The following LZTS2 variants were observed in gnomAD, a reference collection of about 807,000 sequenced individuals.
LZTS2 encodes leucine zipper tumor suppressor 2, also known as leucine zipper putative tumor suppressor 2.
A neutral mutation model predicts 60.6 loss-of-function variants in LZTS2; 32 were observed. The observed-to-expected ratio is 0.53, with a 90% CI of 0.40 to 0.71. The LOEUF (loss-of-function observed/expected upper bound fraction) is 0.71. Among genes scored for constraint, LZTS2 ranks in the 30% least tolerant of loss-of-function variants. The pLI, the probability that LZTS2 is intolerant of heterozygous loss-of-function variation, is 0.00. For synonymous variants in LZTS2, 360 were observed against 393.1 expected, an observed-to-expected ratio of 0.92 and a Z score of 1.00; for missense variants, 792 against 901.9, an observed-to-expected ratio of 0.88 and a Z score of 1.56.
At chr10:101,002,320 C>G (rs1170338252) in exon 1 of LZTS2, 3 of 468,176 alleles carry the variant, frequency 6.4e-6, no homozygotes, top group Non-Finnish European at 1.1e-5. Flanking sequence ...TTCAGACCAG[C>G]ATTGGGCAGT....
chr10:101,002,523 C>T (rs775695224), exon 1 of LZTS2: 1 of 1,509,212 alleles, frequency 6.6e-7, no homozygotes, highest in Non-Finnish European at 8.9e-7. Flanking sequence ...CTGGCCAGGC[C>T]TGAGCCTCTG....
chr10:101,002,350 G>GA, exon 1 of LZTS2: 1 of 507,922 alleles, frequency 2.0e-6, no homozygotes, highest in Non-Finnish European at 3.3e-6. Context: ...GGCCCAGGGG[G>GA]AATTGAGATT....
chr10:101,002,841 C>G (rs117876479), exon 1 of LZTS2: 2 of 1,613,898 alleles, frequency 1.2e-6, no homozygotes, highest in South Asian at 2.2e-5. Context: ...AGTCACCCCC[C>G]AGCCCAAGCA....
At position 101,007,426 on chromosome 10, in the gene LZTS2, G is replaced by A. The variant is rs573383485; in HGVS notation, c.*258G>A. On this transcript the variant is annotated 3_prime_UTR_variant, in exon 4 of 4. Coordinates refer to ENST00000370220, the Ensembl canonical transcript of LZTS2. Reference sequence around the variant, plus strand: ...GTTACTACCCACTTCATTCCCCACCGCTGCCAGTGCCACTGCCAACCCTGT... The same window carrying A: ...GTTACTACCCACTTCATTCCCCACCACTGCCAGTGCCACTGCCAACCCTGT... 3.8e-5 allele frequency: 55 copies of A among 1,443,984 alleles called. No individual in the cohort carries two copies. The East Asian group carries it at 1.1e-3, about 30-fold the overall frequency. 89.4% of individuals were successfully genotyped at this position (1,443,984 alleles called of 1,614,324 possible).
chr10:100,999,190 G>A (rs1851973812), upstream of LZTS2, among the ~76,000 whole-genome samples: 1 of 152,222 alleles, frequency 6.6e-6, no homozygotes, highest in Non-Finnish European at 1.5e-5. Context: ...GGGTTCGCGG[G>A]GAAAAGGGCA....
Position 101,003,518 on chromosome 10 carries a change from G to C in LZTS2, c.420G>C (p.Lys140Asn), listed in dbSNP as rs151215972. ...GCACCTCATTTCAGAACATGGAGAA[G>C]ATCCTGATCCGCCCAACAGCCTTCA... Residue 140 changes from lysine (K) to asparagine (N), a missense_variant, in exon 2 of 4, where the codon AAG becomes AAC. Coordinates refer to ENST00000370220, the Ensembl canonical transcript of LZTS2. 103 of 1,516,608 alleles carry C rather than the reference G, an allele frequency of 6.8e-5. No individual in the cohort carries two copies. The highest frequency in any genetic ancestry group is 7.7e-5 in the Non-Finnish European group (87 of 1,132,572). 93.9% of individuals were successfully genotyped at this position (1,516,608 alleles called of 1,614,324 possible).
At chr10:101,004,022 G>A (rs988260955) in exon 2 of LZTS2, 11 of 1,613,100 alleles carry the variant, frequency 6.8e-6, no homozygotes, top group Non-Finnish European at 8.5e-6. Context: ...GCTCCTGTGG[G>A]GAGCGCTCAC....
At chr10:101,007,300 C>A (rs1032292158) in exon 4 of LZTS2, 1 of 1,422,384 alleles carries the variant, frequency 7.0e-7, no homozygotes, top group Non-Finnish European at 9.2e-7. Flanking sequence ...AGGATCCAGG[C>A]CTCTGGGCTT....
upstream of LZTS2, chr10:100,999,060 G>C (rs566294004): frequency 6.6e-6 from 1 of 152,394 alleles, no homozygotes; most frequent in Admixed American, 6.5e-5. Flanking sequence ...GGCTTGCACC[G>C]GTTCGCCCCA....
chr10:101,002,707 C>G (rs769434446), exon 1 of LZTS2: 1 of 1,611,112 alleles, frequency 6.2e-7, no homozygotes, highest in Admixed American at 1.7e-5. Flanking sequence ...CACCTTCTTC[C>G]GCCAGCAGGA....
At position 101,003,575 on chromosome 10, in the gene LZTS2, G is replaced by A. The variant is rs370325267; in HGVS notation, c.477G>A (p.Pro159=). ...TGCTGCCCAAACCTCGAGGGGCTCC[G>A]TCCCTGCCTAGCTTCATGGGTCCTC... The change falls in exon 2 of 4, where the codon CCG becomes CCA. Residue 159 remains proline (P), a synonymous_variant. Transcript: ENST00000370220. 1.3e-4 allele frequency: 197 copies of A among 1,569,282 alleles called. 2 individuals carry two copies. In the South Asian group the frequency reaches 1.4e-3, roughly 11 times the overall value.
At chr10:101,002,752 C>T in exon 1 of LZTS2, 1 of 1,613,260 alleles carries the variant, frequency 6.2e-7, no homozygotes. Flanking sequence ...GGCACAGGAG[C>T]CGCTGTGCCC....
At chr10:101,002,178 G>T in exon 1 of LZTS2, 1 of 196,828 alleles carries the variant, frequency 5.1e-6, no homozygotes, top group Non-Finnish European at 1.0e-5. Flanking sequence ...CCTCACCTGA[G>T]TCCTGGCCTC....
At chr10:101,006,964 C>T in exon 4 of LZTS2, 12 of 1,547,942 alleles carry the variant, frequency 7.8e-6, no homozygotes, top group Non-Finnish European at 1.0e-5. Context: ...AGCGGCTGGC[C>T]TGGCAGGCAG....
chr10:101,000,393 C>G (rs747430181), exon 1 of LZTS2: 1 of 152,324 alleles, frequency 6.6e-6, no homozygotes, highest in East Asian at 1.9e-4. Context: ...AGAGCGGGAG[C>G]CGGCCTGGCT....
chr10:101,002,975 G>A, intron 1 of LZTS2, 29 bp downstream of exon 2: 3 of 1,578,696 alleles, frequency 1.9e-6, no homozygotes, highest in South Asian at 2.3e-5. Flanking sequence ...TTGTGGGCCT[G>A]GGTAGAACGG....
At chr10:101,007,530 C>A in exon 4 of LZTS2, 1 of 1,332,594 alleles carries the variant, frequency 7.5e-7, no homozygotes, top group South Asian at 1.2e-5. Flanking sequence ...TTCCCCCCGA[C>A]CCCAAAGCCA....
upstream of LZTS2, among the ~76,000 whole-genome samples, chr10:100,997,834 C>T (rs914468250): frequency 2.6e-5 from 4 of 152,204 alleles, no homozygotes; most frequent in Non-Finnish European, 5.9e-5. Context: ...AAGCCCTCTC[C>T]CGGGAACCGG....
chr10:101,003,963 GT>G lies in LZTS2; in HGVS notation c.866del (p.Val289GlyfsTer165). ...GAGCACAGGCTCCCTAGGGGGCCGTGTGGCTGGGGGGCTTTTGGGCAGTGGT... is the reference window on the plus strand; with the variant it reads ...GAGCACAGGCTCCCTAGGGGGCCGTGGGCTGGGGGGCTTTTGGGCAGTGGT... On this transcript the variant is annotated frameshift_variant, in exon 2 of 4. Coordinates refer to ENST00000370220, the Ensembl canonical transcript of LZTS2. LOFTEE classifies it high-confidence loss of function. The G allele has an allele frequency of 3.1e-6, 5 of 1,611,898 alleles. No homozygotes were observed. Among genetic ancestry groups the G allele is most frequent in the Non-Finnish European group, 4.2e-6 (5 of 1,178,822 alleles).
Sources: gnomAD v4.1 joint callset for allele counts (sites outside exome capture counted in the v4.1 genomes callset) on GRCh38, gnomAD v4.1.1 for gene constraint, MANE v1.5 for transcripts, NCBI Gene and HGNC (gene_info 2026-07-23, HGNC 2026-07-21) for gene names.